The following ASTN2 variants were observed in gnomAD, a reference collection of about 807,000 sequenced individuals.
ASTN2 encodes the protein astrotactin-2.
In ASTN2, 54 loss-of-function variants were observed where a neutral mutation model predicts 139.8. The observed-to-expected ratio is 0.39, with a 90% CI of 0.31 to 0.48. The LOEUF is 0.48. ASTN2 is among the 20% of genes least tolerant of loss of function. ASTN2 has a pLI of 0.95. For missense variants in ASTN2, 1,565 were observed against 1,725.1 expected, an observed-to-expected ratio of 0.91 and a Z score of 1.64; for synonymous variants, 756 against 719.5, an observed-to-expected ratio of 1.05 and a Z score of -0.81.
At chr9:116,469,322 G>A (rs1848742612) in intron 20 of ASTN2, among the ~76,000 whole-genome samples, 1 of 151,514 alleles carries the variant, frequency 6.6e-6, no homozygotes, top group African/African-American at 2.4e-5. Flanking sequence ...TTTTTCCATA[G>A]TCCATGATCT....
intron 5 of ASTN2, among the ~76,000 whole-genome samples, 159 bp downstream of exon 5, chr9:117,095,885 G>A (rs768546656): frequency 2.0e-4 from 30 of 152,124 alleles, no homozygotes; most frequent in Non-Finnish European, 3.8e-4. Context: ...TTATACTGAA[G>A]GTCACCCATA....
At chr9:116,680,821 A>T (rs906109239) in intron 16 of ASTN2, among the ~76,000 whole-genome samples, 2 of 152,214 alleles carry the variant, frequency 1.3e-5, no homozygotes, top group African/African-American at 4.8e-5. Flanking sequence ...ACAAAATTCA[A>T]CAACCTTCAT....
At chr9:117,218,020 A>G (rs900632473) in intron 2 of ASTN2, among the ~76,000 whole-genome samples, 3 of 152,230 alleles carry the variant, frequency 2.0e-5, no homozygotes, top group African/African-American at 7.2e-5. Flanking sequence ...CTGAGATTCA[A>G]ACTAGCTCCA....
intron 4 of ASTN2, among the ~76,000 whole-genome samples, chr9:117,131,913 C>T (rs1829836633): frequency 6.6e-6 from 1 of 152,190 alleles, no homozygotes; most frequent in Admixed American, 6.5e-5. Flanking sequence ...TATAGTCACT[C>T]ATATTGGCTT....
intron 2 of ASTN2, among the ~76,000 whole-genome samples, chr9:117,240,239 C>A (rs1421556520): frequency 6.6e-6 from 1 of 152,128 alleles, no homozygotes; most frequent in East Asian, 1.9e-4. Context: ...AGTTGGGATA[C>A]CATGTTCCTT....
intron 19 of ASTN2, among the ~76,000 whole-genome samples, chr9:116,606,680 C>T (rs1050779327): frequency 6.6e-6 from 1 of 151,564 alleles, no homozygotes; most frequent in Non-Finnish European, 1.5e-5. Context: ...ATTTATTCCT[C>T]CCTTTAATTT....
intron 5 of ASTN2, among the ~76,000 whole-genome samples, chr9:117,056,282 C>A (rs1839061879): frequency 6.6e-6 from 1 of 152,178 alleles, no homozygotes. Flanking sequence ...CAATAGATAA[C>A]TACTACCAGT....
At chr9:116,504,777 C>G (rs1197316805) in intron 19 of ASTN2, among the ~76,000 whole-genome samples, 1 of 151,480 alleles carries the variant, frequency 6.6e-6, no homozygotes, top group Non-Finnish European at 1.5e-5. Context: ...GCATCTGTAG[C>G]TCCAGCTACT....
At chr9:117,013,278 T>G (rs1261870767) in intron 6 of ASTN2, among the ~76,000 whole-genome samples, 1 of 152,104 alleles carries the variant, frequency 6.6e-6, no homozygotes, top group Non-Finnish European at 1.5e-5. Flanking sequence ...TCCATGTGTC[T>G]CATGTTTTTC....
chr9:116,835,867 G>T (rs1265636892), intron 11 of ASTN2, among the ~76,000 whole-genome samples: 1 of 152,126 alleles, frequency 6.6e-6, no homozygotes, highest in Non-Finnish European at 1.5e-5. Flanking sequence ...GCTCACTATA[G>T]CCTCAAACTC....
chr9:116,869,844 C>T (rs1338812579), intron 10 of ASTN2, among the ~76,000 whole-genome samples: 1 of 152,094 alleles, frequency 6.6e-6, no homozygotes, highest in Non-Finnish European at 1.5e-5. Flanking sequence ...TGGCTCATGC[C>T]TGTAATCTCA....
intron 1 of ASTN2, among the ~76,000 whole-genome samples, chr9:117,338,515 G>A (rs973071863): frequency 6.6e-6 from 1 of 152,056 alleles, no homozygotes; most frequent in African/African-American, 2.4e-5. Context: ...ATAAGAAAAG[G>A]TCCTTTCTCT....
At chr9:117,250,056 T>C (rs1482956516) in intron 2 of ASTN2, among the ~76,000 whole-genome samples, 2 of 152,218 alleles carry the variant, frequency 1.3e-5, no homozygotes, top group Non-Finnish European at 2.9e-5. Context: ...GCTTTTCCAT[T>C]GCCCACTGCC....
chr9:116,526,520 A>G (rs1393819637), intron 19 of ASTN2, among the ~76,000 whole-genome samples: 2 of 151,698 alleles, frequency 1.3e-5, no homozygotes, highest in African/African-American at 2.4e-5. Flanking sequence ...CACTTGAGAG[A>G]CTCAGGTGGG....
At chr9:116,880,452 A>C (rs964102415) in intron 10 of ASTN2, among the ~76,000 whole-genome samples, 2 of 152,210 alleles carry the variant, frequency 1.3e-5, no homozygotes, top group Non-Finnish European at 2.9e-5. Context: ...TCTTTCCTGA[A>C]GGGGCATATG....
intron 16 of ASTN2, among the ~76,000 whole-genome samples, chr9:116,713,633 G>A (rs1426084354): frequency 1.3e-5 from 2 of 152,124 alleles, no homozygotes; most frequent in Admixed American, 6.6e-5. Context: ...GCCCACTTTG[G>A]CTAAGTAATA....
chr9:116,809,581 T>C (rs1831112675), intron 12 of ASTN2, among the ~76,000 whole-genome samples: 1 of 152,230 alleles, frequency 6.6e-6, no homozygotes, highest in Admixed American at 6.5e-5. Flanking sequence ...ATTTTTCCTT[T>C]CAAATGAATT....
chr9:117,249,215 A>C lies in ASTN2; in HGVS notation c.631-34473T>G, dbSNP rs569923341. On this transcript the variant is annotated intron_variant, in intron 2 of 22. Transcript: ENST00000313400. ...GAGAAGAAGAAAGAAAAACAAGGCA[A>C]TAAACCCTAATGGAAAAGAAGGAAA... Among the ~76,000 whole-genome samples the C allele has an allele frequency of 2.0e-5, 3 of 152,334 alleles. No individual in the cohort carries two copies. The South Asian group carries it at 6.2e-4, about 32-fold the overall frequency.
At chr9:116,804,109 A>G (rs1195190442) in intron 13 of ASTN2, among the ~76,000 whole-genome samples, 4 of 152,162 alleles carry the variant, frequency 2.6e-5, no homozygotes, top group African/African-American at 4.8e-5. Flanking sequence ...ATGGTATATG[A>G]GAAAGAGGAG....
Sources: gnomAD v4.1 joint callset for allele counts (sites outside exome capture counted in the v4.1 genomes callset) on GRCh38, gnomAD v4.1.1 for gene constraint, MANE v1.5 for transcripts, NCBI Gene and HGNC (gene_info 2026-07-23, HGNC 2026-07-21) for gene names.